The following KHDC1 variants were observed in gnomAD, a reference collection of about 807,000 sequenced individuals.
KHDC1 encodes the protein KH domain containing 1.
A neutral mutation model predicts 24.7 loss-of-function variants in KHDC1; 21 were observed. The ratio of observed to expected loss-of-function variants is 0.85; its 90% CI spans 0.60 to 1.23. KHDC1 has a LOEUF of 1.23. Ranked by LOEUF, KHDC1 falls within the 50% of genes most tolerant of loss-of-function variation. The pLI is 0.00. For missense variants in KHDC1, 274 were observed against 298.5 expected (o/e 0.92, Z 0.61); for synonymous variants, 98 against 111.7 (o/e 0.88, Z 0.77).
intron 2 of KHDC1, among the ~76,000 whole-genome samples, chr6:73,266,103 A>T (rs1345513904): frequency 6.6e-6 from 1 of 152,204 alleles, no homozygotes; most frequent in East Asian, 1.9e-4. Context: ...AACACTTGTT[A>T]TAAGAAGCAA....
chr6:73,294,178 A>C (rs1215783731), intron 1 of KHDC1, among the ~76,000 whole-genome samples: 1 of 152,058 alleles, frequency 6.6e-6, no homozygotes, highest in Non-Finnish European at 1.5e-5. Flanking sequence ...TTATGGATCT[A>C]TTGTCTCTTT....
chr6:73,242,721 A>C (rs986874251), intron 2 of KHDC1, among the ~76,000 whole-genome samples, 191 bp from the exon 2 acceptor site: 4 of 152,152 alleles, frequency 2.6e-5, no homozygotes, highest in African/African-American at 9.7e-5. Flanking sequence ...TCTGAGCTTA[A>C]TCCTTCATGC....
At chr6:73,261,223 AC>A (rs1053263083) in intron 2 of KHDC1, among the ~76,000 whole-genome samples, 2 of 151,694 alleles carry the variant, frequency 1.3e-5, no homozygotes, top group African/African-American at 4.8e-5. Context: ...TGAGCAGATT[AC>A]CTGAGGTCAG....
intron 2 of KHDC1, among the ~76,000 whole-genome samples, chr6:73,289,350 AAAAAAAAAAG>A: frequency 6.7e-6 from 1 of 149,144 alleles, no homozygotes; most frequent in Non-Finnish European, 1.5e-5. Context: ...AAAAAAAAAA[AAAAAAAAAAG>A]AATAAAATCT....
intron 2 of KHDC1, chr6:73,268,630 C>G (rs1767119600): frequency 6.6e-6 from 1 of 152,338 alleles, no homozygotes; most frequent in Non-Finnish European, 1.5e-5. Flanking sequence ...TAACCAGATA[C>G]AGAGTGTGGA....
At chr6:73,260,534 A>G (rs1393319915) in intron 2 of KHDC1, among the ~76,000 whole-genome samples, 3 of 152,222 alleles carry the variant, frequency 2.0e-5, no homozygotes, top group Non-Finnish European at 4.4e-5. Context: ...CTCTTTTTGA[A>G]CACCTGTTTA....
intron 2 of KHDC1, among the ~76,000 whole-genome samples, chr6:73,253,489 C>T (rs561279117): frequency 1.5e-3 from 224 of 151,754 alleles, no homozygotes; most frequent in African/African-American, 5.1e-3. Flanking sequence ...GGAGGCAGAG[C>T]TTGCAGTGAG....
chr6:73,284,046 G>A (rs1767468932), intron 2 of KHDC1, among the ~76,000 whole-genome samples: 1 of 151,802 alleles, frequency 6.6e-6, no homozygotes, highest in Non-Finnish European at 1.5e-5. Context: ...CTAACCTTGG[G>A]AGGAGTTTAA....
chr6:73,241,968 G>A, intron 4 of KHDC1, 87 bp downstream of exon 3: 2 of 1,404,254 alleles, frequency 1.4e-6, no homozygotes, highest in Non-Finnish European at 1.9e-6. Context: ...GCCACACAAG[G>A]GATTCTTCAA....
chr6:73,265,803 T>G (rs796447114), intron 2 of KHDC1, among the ~76,000 whole-genome samples: 6 of 152,016 alleles, frequency 3.9e-5, no homozygotes, highest in African/African-American at 1.4e-4. Context: ...AGTGGAAGTT[T>G]TGGTTGGGTG....
chr6:73,293,492 C>T (rs1319087426), intron 1 of KHDC1, among the ~76,000 whole-genome samples: 1 of 152,178 alleles, frequency 6.6e-6, no homozygotes, highest in East Asian at 1.9e-4. Context: ...TAAGAAGTTA[C>T]AAAGAGGCTA....
At chr6:73,245,286 C>T (rs937620437) in intron 2 of KHDC1, among the ~76,000 whole-genome samples, 9 of 152,148 alleles carry the variant, frequency 5.9e-5, no homozygotes, top group African/African-American at 1.9e-4. Context: ...TATGATTCCT[C>T]AGTGAATTCC....
At chr6:73,254,030 C>T (rs1017193442) in intron 2 of KHDC1, among the ~76,000 whole-genome samples, 1 of 152,038 alleles carries the variant, frequency 6.6e-6, no homozygotes, top group Non-Finnish European at 1.5e-5. Flanking sequence ...TCGAATCACA[C>T]CTTAGGAACA....
At position 73,250,353 on chromosome 6, in the gene KHDC1, G is replaced by C. The variant is rs1370595597; in HGVS notation, c.207-7823C>G. 2.6e-5 allele frequency among the ~76,000 whole-genome samples: 4 copies of C among 152,320 alleles called. No individual in the cohort carries two copies. In the East Asian group the frequency reaches 7.7e-4, roughly 29 times the overall value. On this transcript the variant is annotated intron_variant, in intron 2 of 4. Coordinates refer to ENST00000370384, the Ensembl canonical transcript of KHDC1. ...GTTTTGAAATGAAGCAAAACCTAAA[G>C]GAGGCTTCCAGCAGAGGTTGTCTCA...
intron 2 of KHDC1, among the ~76,000 whole-genome samples, chr6:73,254,228 G>A (rs1766835893): frequency 6.6e-6 from 1 of 152,040 alleles, no homozygotes; most frequent in African/African-American, 2.4e-5. Context: ...GGGAGGCCGA[G>A]GCGGGTGGGA....
chr6:73,296,242 G>C (rs891871422), intron 1 of KHDC1, among the ~76,000 whole-genome samples: 5 of 151,738 alleles, frequency 3.3e-5, no homozygotes, highest in African/African-American at 1.2e-4. Flanking sequence ...ATCATTTGAG[G>C]CCAAGAGTTC....
At chr6:73,249,217 T>G (rs777602882) in intron 2 of KHDC1, among the ~76,000 whole-genome samples, 1 of 151,320 alleles carries the variant, frequency 6.6e-6, no homozygotes, top group Non-Finnish European at 1.5e-5. Flanking sequence ...AACCCAGGAG[T>G]TCAAGGTGTG....
At chr6:73,263,149 G>A (rs1723204346) in intron 2 of KHDC1, 1 of 988,424 alleles carries the variant, frequency 1.0e-6, no homozygotes, top group Admixed American at 6.1e-5. Context: ...ACCCTTCCAG[G>A]GGTCCCGGCT....
intron 2 of KHDC1, among the ~76,000 whole-genome samples, chr6:73,261,499 G>A (rs1740811535): frequency 6.6e-6 from 1 of 152,004 alleles, no homozygotes; most frequent in Non-Finnish European, 1.5e-5. Context: ...ACCAGGCACA[G>A]TGGCTCACAC....
Sources: allele counts gnomAD v4.1 joint callset (sites outside exome capture counted in the v4.1 genomes callset), GRCh38; gene constraint gnomAD v4.1.1; transcripts MANE v1.5; gene names NCBI Gene and HGNC (gene_info 2026-07-23, HGNC 2026-07-21).